ZBTB45: variants seen among roughly 807,000 people sequenced by gnomAD.
The protein encoded by ZBTB45 is zinc finger and BTB domain containing 45, also known as zinc finger and BTB domain-containing protein 45.
Under a neutral mutation model 28.4 loss-of-function variants are expected in ZBTB45, and 22 were observed. The observed-to-expected ratio is 0.77, with a 90% CI of 0.55 to 1.10. The LOEUF (loss-of-function observed/expected upper bound fraction) is 1.10. ZBTB45 is among the 50% of genes least tolerant of loss of function. ZBTB45 has a pLI of 0.00. For synonymous variants in ZBTB45, 361 were observed against 332.3 expected (o/e 1.09, Z -0.94); for missense variants, 656 against 750.2 (o/e 0.87, Z 1.47).
chr19:58,529,880 T>C (rs1481971732), intron 1 of ZBTB45, among the ~76,000 whole-genome samples: 5 of 152,134 alleles, frequency 3.3e-5, no homozygotes, highest in Admixed American at 6.6e-5. Context: ...TAGCACATAT[T>C]AGTACTTCCT....
In ZBTB45 at chr19:58,517,338, C is replaced by A. The variant is rs2053523257; in HGVS notation, c.336G>T (p.Gln112His). The A allele has an allele frequency of 1.2e-6, 2 of 1,611,376 alleles. No homozygotes were observed. The highest frequency in any genetic ancestry group is 2.7e-5 in the African/African-American group (2 of 74,916). ...TCTGCGTGCATTCGTCGATAACTGT[C>A]TGTATGCGAAGCACTGACGCGGCCG... Reference protein sequence around the residue: ...VLTAASVLRIQTVIDECTQII... With the variant: ...VLTAASVLRIHTVIDECTQII... The change falls in exon 2 of 3, where the codon CAG (glutamine) becomes CAT (histidine). Residue 112 changes from glutamine (Q) to histidine (H), a missense_variant. By Grantham distance (24) the Gln-to-His change is conservative. This residue lies in a region of ZBTB45 where 448 missense variants were observed against 444.3 expected (regional missense o/e 1.01). Transcript: ENST00000594051.
chr19:58,530,789 T>G (rs1045309369), intron 1 of ZBTB45, among the ~76,000 whole-genome samples: 1 of 151,662 alleles, frequency 6.6e-6, no homozygotes, highest in Non-Finnish European at 1.5e-5. Flanking sequence ...GTTCACGCCA[T>G]TCTCCTGCCT....
chr19:58,516,907 G>A lies in ZBTB45; in HGVS notation c.767C>T (p.Pro256Leu), dbSNP rs1326234289. 1.2e-6 allele frequency: 2 copies of A among 1,613,362 alleles called. No homozygotes were observed. The highest frequency in any genetic ancestry group is 1.1e-5 in the South Asian group (1 of 91,086). Residue 256 changes from proline to leucine, a missense_variant, in exon 2 of 3, where the codon CCC becomes CTC. By Grantham distance (98) the Pro-to-Leu change is moderately conservative. Around this residue, in one of 3 missense-constraint regions of ZBTB45, gnomAD observed 448 missense variants for 444.3 expected, o/e 1.01. Coordinates refer to ENST00000594051, the MANE Select transcript of ZBTB45 (RefSeq NM_001316979.2). This position sits in a 1 kb window ranked among gnomAD's most constrained non-coding sequence, Gnocchi z 6.2. ...TAAADSACEEPPAPTGLADYS... is the reference protein window; with the variant it reads ...TAAADSACEELPAPTGLADYS... ...GTCAGCGAGGCCAGTGGGTGCAGGG[G>A]GCTCCTCGCACGCGCTGTCAGCAGC...
rs376163556 is a variant in ZBTB45 at position 58,516,669 on chromosome 19, G to C, written c.1005C>G (p.His335Gln). 17 of 1,566,828 alleles carry C rather than the reference G, an allele frequency of 1.1e-5. No homozygotes were observed. Among genetic ancestry groups the C allele is most frequent in the Admixed American group, 1.8e-5 (1 of 56,316 alleles). The change falls in exon 2 of 3, where the codon CAC becomes CAG. Residue 335 changes from histidine to glutamine, a missense_variant. Physicochemically the swap from His to Gln is conservative, Grantham distance 24. This residue lies in a region of ZBTB45 where 448 missense variants were observed against 444.3 expected (regional missense o/e 1.01). Transcript: ENST00000594051. The surrounding 1 kb of genome is among the most constrained non-coding windows in gnomAD (Gnocchi z 6.2). ...GTGCGGGTGGCCCAGGGGCACCCAA[G>C]TGAAAGGGGAAGAGTGCAACGGGCG... ...PGPPVALFPF[H>Q]LGAPGPPAPP...
intron 1 of ZBTB45, among the ~76,000 whole-genome samples, chr19:58,538,271 A>T (rs1336418578): frequency 2.0e-5 from 3 of 151,218 alleles, no homozygotes; most frequent in Non-Finnish European, 4.4e-5. Context: ...GTAGGAGAGC[A>T]GGGGAGCGAT....
rs1674924564 is a variant in ZBTB45 at position 58,514,008 on chromosome 19, C to T, written c.*46G>A. On this transcript the variant is annotated 3_prime_UTR_variant, in exon 3 of 3. Transcript: ENST00000594051. ...CCCGCAGCGGGCGTGGCCGACTGTG[C>T]GGGAGGCCCCGGATCCACCGTGGGC... 1.5e-6 allele frequency: 2 copies of T among 1,366,974 alleles called. No individual in the cohort carries two copies. Among genetic ancestry groups the T allele is most frequent in the Non-Finnish European group, 1.9e-6 (2 of 1,066,446 alleles). The allele number at this position is 1,366,974 out of a possible 1,614,324, so 84.7% of individuals were successfully genotyped here.
In ZBTB45 at chr19:58,517,189, G is replaced by A. The variant is rs768648113; in HGVS notation, c.485C>T (p.Pro162Leu). 39 of 1,606,030 alleles carry A rather than the reference G, an allele frequency of 2.4e-5. No homozygotes were observed. The highest frequency in any genetic ancestry group is 2.7e-5 in the African/African-American group (2 of 74,896). The change falls in exon 2 of 3, where the codon CCG becomes CTG. Residue 162 changes from proline to leucine, a missense_variant. Transcript: ENST00000594051. ...GCTGTGTGCAGCACCGGGGTGCCCC[G>A]GGGGACGTGCAGCCAGCAGGTGGCG... is the stretch of plus-strand genomic sequence containing the variant. The part of the protein sequence containing the change: ...RLRHLLAARP[P>L]GHPGAAHSRK...
Position 58,526,196 on chromosome 19 carries a change from G to C in ZBTB45, c.1-8523C>G, listed in dbSNP as rs548494162. Among the ~76,000 whole-genome samples, 15 of 152,194 alleles carry C rather than the reference G, an allele frequency of 9.9e-5. No homozygotes were observed. The East Asian group carries it at 2.7e-3, about 27-fold the overall frequency. On this transcript the variant is annotated intron_variant, in intron 1 of 1. Transcript: ENST00000600130. ...GCTGGGGTTATAAGCATGAGCCATG[G>C]TGCCTGGACTTTATTATTATTATTA...
chr19:58,521,631 T>C (rs1568647526), upstream of ZBTB45, among the ~76,000 whole-genome samples: 1 of 152,172 alleles, frequency 6.6e-6, no homozygotes, highest in Non-Finnish European at 1.5e-5. Context: ...TTTGTTATAG[T>C]AACGATAGAA....
At position 58,516,512 on chromosome 19, in the gene ZBTB45, G is replaced by A. The variant is rs1182514891; in HGVS notation, c.1162C>T (p.Pro388Ser). 1 of 1,613,222 alleles carries A rather than the reference G, an allele frequency of 6.2e-7. No homozygotes were observed. Among genetic ancestry groups the A allele is most frequent in the Non-Finnish European group, 8.5e-7 (1 of 1,179,648 alleles). The change falls in exon 2 of 3, where the codon CCC becomes TCC. Residue 388 changes from proline (P) to serine (S), a missense_variant. This residue lies in a region of ZBTB45 where 448 missense variants were observed against 444.3 expected (regional missense o/e 1.01). Coordinates refer to ENST00000594051, the MANE Select transcript of ZBTB45 (RefSeq NM_001316979.2). This position sits in a 1 kb window ranked among gnomAD's most constrained non-coding sequence, Gnocchi z 6.2. ...PAPSAAPTTA[P>S]SGTPARTPGA... ...GGGGTGCGAGCAGGGGTGCCTGAGG[G>A]GGCCGTGGTGGGAGCAGCAGAGGGA...
chr19:58,517,800 C>G (rs1430503209), intron 1 of ZBTB45, 127 bp from the exon 2 acceptor site: 5 of 775,544 alleles, frequency 6.4e-6, no homozygotes, highest in Non-Finnish European at 1.0e-5. Context: ...GCGCGCTAAC[C>G]CATCCCTCCC....
upstream of ZBTB45, among the ~76,000 whole-genome samples, chr19:58,521,035 G>A (rs1403793548): frequency 2.9e-5 from 3 of 104,478 alleles, no homozygotes; most frequent in Non-Finnish European, 5.3e-5. Flanking sequence ...CTGGGCGACA[G>A]AACGAGACTC....
Position 58,513,840 on chromosome 19 carries a change from C to T in ZBTB45, c.*214G>A. On this transcript the variant is annotated 3_prime_UTR_variant, in exon 3 of 3. Coordinates refer to ENST00000594051, the MANE Select transcript of ZBTB45 (RefSeq NM_001316979.2). ...CAGAAGTGGTCTAACCAGCCCCAGC[C>T]CCAGCCCGGCACCACCTGGAGGGTT... The T allele has an allele frequency of 1.8e-6, 1 of 557,064 alleles. No homozygotes were observed. The highest frequency in any genetic ancestry group is 2.8e-6 in the Non-Finnish European group (1 of 358,428). The allele number at this position is 557,064 out of a possible 1,614,324, so 34.5% of individuals were successfully genotyped here.
chr19:58,521,838 G>A (rs2053580445), upstream of ZBTB45, among the ~76,000 whole-genome samples: 1 of 152,076 alleles, frequency 6.6e-6, no homozygotes, highest in Admixed American at 6.6e-5. Flanking sequence ...CTATCCCAGA[G>A]GACAGAGGGA....
At chr19:58,533,667 C>T (rs2053645666) in intron 1 of ZBTB45, among the ~76,000 whole-genome samples, 2 of 152,078 alleles carry the variant, frequency 1.3e-5, no homozygotes, top group African/African-American at 4.8e-5. Flanking sequence ...GTTGAACACT[C>T]ATCTTTTGTT....
rs774831736 is a variant in ZBTB45, at chr19:58,514,207, G to A, written c.1383C>T (p.Cys461=). ...VTHTGVRAFQ[C]AVCAKRFTQK... ...GCGTGAAGCGCTTGGCGCAGACGGC[G>A]CACTGGAAGGCGCGCACGCCGGTGT... Residue 461 remains cysteine (C), a synonymous_variant, in exon 3 of 3, where the codon TGC becomes TGT. Coordinates refer to ENST00000594051, the MANE Select transcript of ZBTB45 (RefSeq NM_001316979.2). 2.3e-5 allele frequency: 37 copies of A among 1,612,480 alleles called. No homozygotes were observed. Among genetic ancestry groups the A allele is most frequent in the Non-Finnish European group, 3.1e-5 (36 of 1,179,648 alleles).
chr19:58,516,061 C>T lies in ZBTB45; in HGVS notation c.1279+334G>A, dbSNP rs778794932. Reference sequence around the variant, plus strand: ...GGCTCCCTGGAGCATAGTTTCCCAACCTGCCAGGACCTCCTGCCAAGGCTC... The same window carrying T: ...GGCTCCCTGGAGCATAGTTTCCCAATCTGCCAGGACCTCCTGCCAAGGCTC... On this transcript the variant is annotated intron_variant, in intron 2 of 2. Transcript: ENST00000594051. The surrounding 1 kb of genome is among the most constrained non-coding windows in gnomAD (Gnocchi z 6.2). 3.9e-5 allele frequency among the ~76,000 whole-genome samples: 6 copies of T among 152,144 alleles called. No individual in the cohort carries two copies. Among genetic ancestry groups the T allele is most frequent in the Non-Finnish European group, 7.4e-5 (5 of 68,016 alleles).
At chr19:58,531,133 A>C (rs2053633883) in intron 1 of ZBTB45, among the ~76,000 whole-genome samples, 1 of 152,150 alleles carries the variant, frequency 6.6e-6, no homozygotes, top group Admixed American at 6.5e-5. Context: ...TAATTTCTCC[A>C]CATCCTCACT....
rs760767007 is a variant in ZBTB45 at position 58,514,228 on chromosome 19, G to A, written c.1362C>T (p.Thr454=). The change falls in exon 3 of 3, where the codon ACC becomes ACT. Residue 454 remains threonine, a synonymous_variant. Coordinates refer to ENST00000594051, the MANE Select transcript of ZBTB45 (RefSeq NM_001316979.2). Reference sequence around the variant, plus strand: ...CGGCGCACTGGAAGGCGCGCACGCCGGTGTGCGTGACCATGTGTTTGAGCA... The same window carrying A: ...CGGCGCACTGGAAGGCGCGCACGCCAGTGTGCGTGACCATGTGTTTGAGCA... ...DYLLKHMVTH[T]GVRAFQCAVC... is the part of the protein sequence containing the mutation. 9 of 1,612,432 alleles carry A rather than the reference G, an allele frequency of 5.6e-6. No homozygotes were observed. Among genetic ancestry groups the A allele is most frequent in the Non-Finnish European group, 8.5e-7 (1 of 1,179,624 alleles).
Sources: allele counts gnomAD v4.1 joint callset (sites outside exome capture counted in the v4.1 genomes callset), GRCh38; gene constraint gnomAD v4.1.1; regional missense constraint gnomAD v4.1.1; non-coding constraint Gnocchi (gnomAD v3.1); transcripts MANE v1.5; gene names NCBI Gene and HGNC (gene_info 2026-07-23, HGNC 2026-07-21).